IDE: variants seen among roughly 807,000 people sequenced by gnomAD.
IDE encodes insulin-degrading enzyme.
A neutral mutation model predicts 133.2 loss-of-function variants in IDE; 58 were observed. The observed-to-expected ratio is 0.44, with a 90% CI of 0.35 to 0.54. The LOEUF is 0.54. IDE is among the 20% of genes least tolerant of loss of function. The pLI is 0.00. For missense variants in IDE, 981 were observed against 1,234.0 expected (o/e 0.79, Z 3.07); for synonymous variants, 396 against 421.3 (o/e 0.94, Z 0.73).
chr10:92,482,337 C>T (rs1185976057), intron 14 of IDE, among the ~76,000 whole-genome samples: 1 of 152,068 alleles, frequency 6.6e-6, no homozygotes, highest in African/African-American at 2.4e-5. Context: ...GATTAACACA[C>T]AAATAAGTAA....
At chr10:92,549,556 T>C (rs1842687012) in intron 1 of IDE, among the ~76,000 whole-genome samples, 1 of 152,108 alleles carries the variant, frequency 6.6e-6, no homozygotes, top group Non-Finnish European at 1.5e-5. Context: ...AAGGAAACTT[T>C]ACAGGAACCT....
At chr10:92,469,579 C>T (rs1845860390) in intron 18 of IDE, among the ~76,000 whole-genome samples, 1 of 152,132 alleles carries the variant, frequency 6.6e-6, no homozygotes, top group Non-Finnish European at 1.5e-5. Context: ...CAGGCATGCA[C>T]TACCACACCT....
chr10:92,506,709 T>C (rs1303565155), intron 9 of IDE, among the ~76,000 whole-genome samples, 187 bp from the exon 10 acceptor site: 1 of 152,140 alleles, frequency 6.6e-6, no homozygotes, highest in Non-Finnish European at 1.5e-5. Flanking sequence ...TTAATGTGTA[T>C]AAAATTTAAT....
intron 2 of IDE, 30 bp downstream of exon 2, chr10:92,537,336 C>T (rs758280513): frequency 1.3e-6 from 2 of 1,551,898 alleles, no homozygotes; most frequent in African/African-American, 1.4e-5. Context: ...TGAAACAAAA[C>T]AAAGCTTAAT....
chr10:92,553,320 A>C (rs1842876647), intron 1 of IDE, among the ~76,000 whole-genome samples: 1 of 152,010 alleles, frequency 6.6e-6, no homozygotes, highest in South Asian at 2.1e-4. Context: ...GGTACTCAGG[A>C]AGCTGAGGCA....
intron 1 of IDE, among the ~76,000 whole-genome samples, chr10:92,551,391 A>AT (rs1842772529): frequency 6.6e-6 from 1 of 151,934 alleles, no homozygotes; most frequent in Admixed American, 6.6e-5. Context: ...AACACGGTGA[A>AT]ACCCCATCTC....
chr10:92,546,172 T>C (rs966359834), intron 1 of IDE, among the ~76,000 whole-genome samples: 3 of 152,184 alleles, frequency 2.0e-5, no homozygotes, highest in Non-Finnish European at 1.5e-5. Flanking sequence ...ACCTTCCATT[T>C]ATACAAAGCA....
chr10:92,532,060 G>A, intron 3 of IDE, 143 bp from the exon 4 acceptor site: 1 of 527,394 alleles, frequency 1.9e-6, no homozygotes, highest in Non-Finnish European at 3.2e-6. Context: ...TAAGAAAAAA[G>A]GAGTATAAAA....
intron 12 of IDE, among the ~76,000 whole-genome samples, chr10:92,490,132 G>A (rs1024951806): frequency 6.6e-6 from 1 of 152,218 alleles, no homozygotes; most frequent in East Asian, 1.9e-4. Flanking sequence ...CTCAGCCTGT[G>A]TTCACAGCAA....
At chr10:92,500,522 A>G (rs1472696430) in intron 11 of IDE, among the ~76,000 whole-genome samples, 1 of 152,216 alleles carries the variant, frequency 6.6e-6, no homozygotes, top group Non-Finnish European at 1.5e-5. Flanking sequence ...AAACCCATAG[A>G]AACAGAATGT....
intron 17 of IDE, among the ~76,000 whole-genome samples, chr10:92,473,092 G>A (rs1020625127): frequency 3.3e-5 from 5 of 150,984 alleles, no homozygotes; most frequent in East Asian, 1.9e-4. Context: ...ACAGGCACCC[G>A]CCACCACGCC....
Position 92,454,304 on chromosome 10 carries a change from C to T in IDE, c.*140G>A. 1.7e-6 allele frequency: 1 copy of T among 598,044 alleles called. No individual in the cohort carries two copies. The allele number at this position is 598,044 out of a possible 1,614,324, so 37.0% of individuals were successfully genotyped here. ...AATTTACTTTGGATTTATAATATTT[C>T]TACATAATGACATTTGACAATTTTT... On this transcript the variant is annotated 3_prime_UTR_variant, in exon 25 of 25. Transcript: ENST00000265986.
chr10:92,493,624 A>G (rs1359571376), intron 11 of IDE, among the ~76,000 whole-genome samples: 1 of 152,124 alleles, frequency 6.6e-6, no homozygotes, highest in Non-Finnish European at 1.5e-5. Context: ...CAGACTCATC[A>G]AGTACAGTCC....
chr10:92,545,465 G>T (rs904010368), intron 1 of IDE, among the ~76,000 whole-genome samples: 1 of 152,200 alleles, frequency 6.6e-6, no homozygotes, highest in Admixed American at 6.5e-5. Context: ...AATCACATTT[G>T]CAAAGATGTT....
At chr10:92,517,839 C>T (rs1849009075) in intron 4 of IDE, among the ~76,000 whole-genome samples, 2 of 152,056 alleles carry the variant, frequency 1.3e-5, no homozygotes, top group South Asian at 4.1e-4. Context: ...TCACTTGAAA[C>T]CAGGAGGCAG....
intron 14 of IDE, 38 bp downstream of exon 14, chr10:92,483,217 T>C: frequency 9.4e-7 from 1 of 1,069,354 alleles, no homozygotes; most frequent in African/African-American, 1.6e-5. Flanking sequence ...TAATTGTTGA[T>C]TTTTATAAGC....
Position 92,475,990 on chromosome 10 carries a change from G to T in IDE, c.1889C>A (p.Ser630Ter). The T allele has an allele frequency of 1.5e-6, 2 of 1,317,280 alleles. No homozygotes were observed. The highest frequency in any genetic ancestry group is 2.1e-6 in the Non-Finnish European group (2 of 934,990). 81.6% of individuals were successfully genotyped at this position (1,317,280 alleles called of 1,614,324 possible). The change falls in exon 16 of 25, where the codon TCA becomes TAA. Residue 630 changes from serine (S) to a stop codon, truncating the protein, a stop_gained. Coordinates refer to ENST00000265986, the MANE Select transcript of IDE (RefSeq NM_004969.4). LOFTEE classifies it high-confidence loss of function. ...CTGCTTGTCATTGTAACCTTTCACT[G>T]AAAGCTACAGAAAGAATTCAGGGTA... ...LQNTIYGMYL[S>*]VKGYNDKQPI... is the part of the protein sequence containing the mutation.
intron 1 of IDE, among the ~76,000 whole-genome samples, chr10:92,556,797 G>A (rs945088900): frequency 7.3e-5 from 11 of 151,220 alleles, no homozygotes; most frequent in African/African-American, 1.9e-4. Flanking sequence ...GGTGGTGGGC[G>A]CCTGTAATCC....
At chr10:92,521,174 C>T (rs1849206492) in intron 4 of IDE, among the ~76,000 whole-genome samples, 1 of 152,058 alleles carries the variant, frequency 6.6e-6, no homozygotes, top group African/African-American at 2.4e-5. Flanking sequence ...ATAGAATTAG[C>T]ATTAGAAAAA....
Sources: allele counts gnomAD v4.1 joint callset (sites outside exome capture counted in the v4.1 genomes callset), GRCh38; gene constraint gnomAD v4.1.1; transcripts MANE v1.5; gene names NCBI Gene and HGNC (gene_info 2026-07-23, HGNC 2026-07-21).